The following ANGPT1 variants were observed in gnomAD, a reference collection of about 807,000 sequenced individuals.
ANGPT1 encodes the protein angiopoietin 1.
Under a neutral mutation model 62.2 loss-of-function variants are expected in ANGPT1, and 17 were observed. The observed-to-expected ratio is 0.27, with a 90% CI of 0.19 to 0.41. ANGPT1 has a LOEUF of 0.41. Ranked by LOEUF, ANGPT1 falls within the 10% of genes least tolerant of loss-of-function variation. ANGPT1 has a pLI of 1.00. For missense variants in ANGPT1, 478 were observed against 594.9 expected (o/e 0.80, Z 2.04); for synonymous variants, 199 against 198.9 (o/e 1.00, Z 0.00).
chr8:107,306,990 C>T (rs1814734594), intron 4 of ANGPT1, among the ~76,000 whole-genome samples: 1 of 152,110 alleles, frequency 6.6e-6, no homozygotes, highest in Non-Finnish European at 1.5e-5. Context: ...TGAAAGAGGG[C>T]TGTATCTATC....
intron 1 of ANGPT1, 57 bp downstream of exon 1, chr8:107,497,205 T>G (rs1813126246): frequency 6.4e-7 from 1 of 1,556,400 alleles, no homozygotes; most frequent in South Asian, 1.2e-5. Flanking sequence ...TTAAGTTAGC[T>G]GCAGTGCAAG....
intron 1 of ANGPT1, among the ~76,000 whole-genome samples, chr8:107,423,577 A>T (rs985813437): frequency 2.0e-5 from 3 of 150,042 alleles, no homozygotes; most frequent in Non-Finnish European, 4.5e-5. Flanking sequence ...CTCTGAGAAC[A>T]CCCCCCGACT....
At chr8:107,320,332 G>A (rs913148724) in intron 4 of ANGPT1, among the ~76,000 whole-genome samples, 3 of 152,086 alleles carry the variant, frequency 2.0e-5, no homozygotes, top group East Asian at 1.9e-4. Flanking sequence ...TGATAAGTAC[G>A]CAGACATATG....
chr8:107,357,315 T>C (rs888042692), intron 1 of ANGPT1, among the ~76,000 whole-genome samples: 1 of 152,204 alleles, frequency 6.6e-6, no homozygotes, highest in Admixed American at 6.5e-5. Context: ...TTGGTATGCA[T>C]TGTTTTTATA....
chr8:107,462,843 G>C (rs1283452121), intron 1 of ANGPT1, among the ~76,000 whole-genome samples: 1 of 152,008 alleles, frequency 6.6e-6, no homozygotes. Context: ...TATCAAAACT[G>C]TTATAAAGAG....
intron 7 of ANGPT1, among the ~76,000 whole-genome samples, chr8:107,283,493 G>A (rs1814064886): frequency 6.6e-6 from 1 of 151,738 alleles, no homozygotes; most frequent in Non-Finnish European, 1.5e-5. Flanking sequence ...AATGAGTTGT[G>A]CCTATGAAAA....
chr8:107,375,645 T>C (rs1482100201), intron 1 of ANGPT1, among the ~76,000 whole-genome samples: 2 of 152,124 alleles, frequency 1.3e-5, no homozygotes, highest in African/African-American at 4.8e-5. Flanking sequence ...CGAGGGACGT[T>C]AGCCAGGCTC....
At chr8:107,281,916 C>T (rs7845785) in intron 7 of ANGPT1, among the ~76,000 whole-genome samples, 139,487 of 151,878 alleles carry the variant, frequency 0.92, 64,105 homozygotes, top group Middle Eastern at 0.97. Flanking sequence ...CAAAGACACA[C>T]GCCAATTCAG....
At chr8:107,257,870 G>A (rs1250802573) in intron 8 of ANGPT1, among the ~76,000 whole-genome samples, 1 of 45,204 alleles carries the variant, frequency 2.2e-5, no homozygotes, top group South Asian at 8.1e-4. Flanking sequence ...CCAAGGACTT[G>A]TTTTTGTTTC....
chr8:107,450,724 G>GTGTGTGTGTGTGCA (rs1337055206), intron 1 of ANGPT1, among the ~76,000 whole-genome samples: 1 of 146,498 alleles, frequency 6.8e-6, no homozygotes, highest in Non-Finnish European at 1.5e-5. Context: ...GTGTGTGTGT[G>GTGTGTGTGTGTGCA]TGTGTGCATG....
intron 1 of ANGPT1, among the ~76,000 whole-genome samples, chr8:107,440,559 C>T (rs1039846139): frequency 6.6e-6 from 1 of 152,166 alleles, no homozygotes; most frequent in Non-Finnish European, 1.5e-5. Flanking sequence ...TTTTTGTTTA[C>T]AAATTGTCAA....
At chr8:107,349,141 G>GATAGATAGATAT (rs1815876864) in intron 1 of ANGPT1, among the ~76,000 whole-genome samples, 1 of 151,818 alleles carries the variant, frequency 6.6e-6, no homozygotes, top group Non-Finnish European at 1.5e-5. Context: ...TAGATAGATA[G>GATAGATAGATAT]ATAGATAGAT....
chr8:107,399,980 C>G (rs1259072381), intron 1 of ANGPT1, among the ~76,000 whole-genome samples: 1 of 152,098 alleles, frequency 6.6e-6, no homozygotes, highest in Non-Finnish European at 1.5e-5. Flanking sequence ...CCTCTAGACC[C>G]CATCTTAACT....
At chr8:107,356,294 C>A (rs60876963) in intron 1 of ANGPT1, among the ~76,000 whole-genome samples, 3 of 152,110 alleles carry the variant, frequency 2.0e-5, no homozygotes, top group African/African-American at 7.2e-5. Flanking sequence ...GAAAACTAAC[C>A]ATGTCTTAAT....
At chr8:107,262,066 G>A (rs1193483104) in intron 8 of ANGPT1, among the ~76,000 whole-genome samples, 4 of 151,980 alleles carry the variant, frequency 2.6e-5, no homozygotes, top group Non-Finnish European at 4.4e-5. Flanking sequence ...ATGGTGGCAC[G>A]CACCTGTAGT....
At chr8:107,313,402 T>C (rs1421222955) in intron 4 of ANGPT1, among the ~76,000 whole-genome samples, 1 of 149,046 alleles carries the variant, frequency 6.7e-6, no homozygotes, top group Non-Finnish European at 1.5e-5. Context: ...TATGAGTTCC[T>C]ATAGGAAGCT....
intron 7 of ANGPT1, among the ~76,000 whole-genome samples, chr8:107,269,680 A>G (rs994782645): frequency 1.3e-5 from 2 of 152,032 alleles, no homozygotes; most frequent in African/African-American, 4.8e-5. Flanking sequence ...CCAGAAAAAA[A>G]CATTAGGGAC....
intron 4 of ANGPT1, among the ~76,000 whole-genome samples, chr8:107,309,666 A>G (rs559510524): frequency 1.2e-4 from 18 of 152,370 alleles, no homozygotes; most frequent in Admixed American, 9.8e-4. Flanking sequence ...ACAAATATAT[A>G]TAGCTACACA....
At chr8:107,468,852 C>A (rs1280887994) in intron 1 of ANGPT1, among the ~76,000 whole-genome samples, 2 of 152,022 alleles carry the variant, frequency 1.3e-5, no homozygotes, top group Non-Finnish European at 2.9e-5. Flanking sequence ...TATGTGTACA[C>A]AACCAGTTTT....
Sources: gnomAD v4.1 joint callset for allele counts (sites outside exome capture counted in the v4.1 genomes callset) on GRCh38, gnomAD v4.1.1 for gene constraint, MANE v1.5 for transcripts, NCBI Gene and HGNC (gene_info 2026-07-23, HGNC 2026-07-21) for gene names.